Variants in PRKCE observed in about 807,000 individuals in gnomAD.
PRKCE encodes protein kinase C epsilon.
In PRKCE, 16 loss-of-function variants were observed where a neutral mutation model predicts 85.4. The observed-to-expected ratio is 0.19, with a 90% CI of 0.13 to 0.28. The LOEUF (loss-of-function observed/expected upper bound fraction) is 0.28. PRKCE is among the 10% of genes least tolerant of loss of function. PRKCE has a pLI of 1.00. For missense variants in PRKCE, 573 were observed against 975.2 expected, an observed-to-expected ratio of 0.59 and a Z score of 5.49; for synonymous variants, 388 against 371.5, an observed-to-expected ratio of 1.04 and a Z score of -0.51.
chr2:45,726,629 T>C (rs78203360), intron 1 of PRKCE, among the ~76,000 whole-genome samples: 4,604 of 152,350 alleles, frequency 0.03, 113 homozygotes, highest in Middle Eastern at 0.085. Flanking sequence ...AAAATATTTT[T>C]ATGACTTGCT....
rs370580938 is a variant in PRKCE, at chr2:45,652,364, C to T, written c.264C>T (p.Pro88=). The change falls in exon 1 of 15, where the codon CCC becomes CCT. Residue 88 remains proline (P), a synonymous_variant. Transcript: ENST00000306156. This position sits in a 1 kb window ranked among gnomAD's most constrained non-coding sequence, Gnocchi z 7.7. ...AGCTGGCTGTCTTTCACGATGCCCC[C>T]ATAGGCTACGACGACTTCGTGGCCA... is the stretch of plus-strand genomic sequence containing the variant. The part of the protein sequence containing the change: ...KIELAVFHDA[P]IGYDDFVANC... 3.7e-6 allele frequency: 6 copies of T among 1,613,610 alleles called. No individual in the cohort carries two copies. In the African/African-American group the frequency reaches 6.7e-5, roughly 18 times the overall value.
chr2:45,789,410 C>T (rs766654550), intron 1 of PRKCE, among the ~76,000 whole-genome samples: 3 of 152,262 alleles, frequency 2.0e-5, no homozygotes, highest in Non-Finnish European at 4.4e-5. Flanking sequence ...TGACAAAAGC[C>T]TAGGACCATA....
At position 46,061,833 on chromosome 2, in the gene PRKCE, C is replaced by CTTTTCTTTTCTTTTCTTTTCT. The variant is rs1553335448; in HGVS notation, c.1438-24365_1438-24345dup. On this transcript the variant is annotated intron_variant, in intron 10 of 14. Transcript: ENST00000306156. ...CATGCATACGTTAAGTATTTCTTTT[C>CTTTTCTTTTCTTTTCTTTTCT]TTTTCTTTTCTTTTCTTTTCTTTTT... Among the ~76,000 whole-genome samples, 1,081 of 133,248 alleles carry CTTTTCTTTTCTTTTCTTTTCT rather than the reference C, an allele frequency of 8.1e-3. 96 individuals carry two copies. The highest frequency in any genetic ancestry group is 0.076 in the Admixed American group (969 of 12,820). 87.4% of individuals were successfully genotyped at this position (133,248 alleles called of 152,430 possible). A position where few individuals can be genotyped will look rare whatever the true frequency, so the allele number is the denominator to read the frequency against.
intron 6 of PRKCE, among the ~76,000 whole-genome samples, chr2:45,985,352 A>T (rs904166516): frequency 2.0e-5 from 3 of 152,200 alleles, no homozygotes; most frequent in African/African-American, 7.2e-5. Context: ...GGGGAGTAGC[A>T]TATAACACAG....
chr2:45,687,272 A>C (rs1204289594), intron 1 of PRKCE, among the ~76,000 whole-genome samples: 6 of 152,354 alleles, frequency 3.9e-5, no homozygotes, highest in African/African-American at 1.4e-4. Context: ...TAGTAAGAAA[A>C]GATCAATAAC....
intron 1 of PRKCE, among the ~76,000 whole-genome samples, chr2:45,837,865 G>A (rs1691018489): frequency 6.6e-6 from 1 of 152,140 alleles, no homozygotes; most frequent in South Asian, 2.1e-4. Context: ...GCGAGACTCT[G>A]TCTCAAAAAT....
intron 10 of PRKCE, among the ~76,000 whole-genome samples, chr2:46,032,100 T>C (rs1259869366): frequency 6.6e-6 from 1 of 152,224 alleles, no homozygotes; most frequent in African/African-American, 2.4e-5. Context: ...AGAATTTAGT[T>C]AAAACATGTA....
At chr2:46,180,815 C>A (rs1160420825) in intron 14 of PRKCE, among the ~76,000 whole-genome samples, 2 of 152,334 alleles carry the variant, frequency 1.3e-5, no homozygotes, top group East Asian at 3.9e-4. Context: ...AAGAGGTTAA[C>A]TTCACAGCGT....
intron 14 of PRKCE, among the ~76,000 whole-genome samples, chr2:46,179,406 GAGCTCTGAGGC>G (rs1196257902): frequency 1.3e-5 from 2 of 152,052 alleles, no homozygotes; most frequent in Non-Finnish European, 2.9e-5. Flanking sequence ...AGAGCTGCCT[GAGCTCTGAGGC>G]AGGCCCAGTC....
chr2:46,026,085 T>A (rs1022218949), intron 10 of PRKCE, among the ~76,000 whole-genome samples: 2 of 152,234 alleles, frequency 1.3e-5, no homozygotes, highest in African/African-American at 4.8e-5. Context: ...CTCTTTGAGC[T>A]AATTGTTAAT....
intron 2 of PRKCE, 87 bp from the exon 3 acceptor site, chr2:45,976,342 G>C (rs758697847): frequency 5.5e-6 from 8 of 1,465,872 alleles, no homozygotes; most frequent in South Asian, 1.3e-5. Flanking sequence ...CACTCCCCCA[G>C]GGATGGAGTA....
chr2:46,162,330 C>A (rs1222228563), intron 14 of PRKCE, among the ~76,000 whole-genome samples: 1 of 152,164 alleles, frequency 6.6e-6, no homozygotes, highest in Non-Finnish European at 1.5e-5. Context: ...CCTGGAGGGT[C>A]AAGGAAGCTT....
At position 46,008,729 on chromosome 2, in the gene PRKCE, G is replaced by A. The variant is rs574960910; in HGVS notation, c.1263+1068G>A. 7.9e-5 allele frequency among the ~76,000 whole-genome samples: 12 copies of A among 152,298 alleles called. No individual in the cohort carries two copies. In the South Asian group the frequency reaches 2.5e-3, roughly 32 times the overall value. ...AAAGCTGAAGCAATTACATTCTTTA[G>A]AGACTGACTAAATAAAAAGAGGTCC... On this transcript the variant is annotated intron_variant, in intron 9 of 14. Transcript: ENST00000306156.
intron 6 of PRKCE, among the ~76,000 whole-genome samples, chr2:45,985,093 A>G (rs1368212937): frequency 6.6e-6 from 1 of 152,192 alleles, no homozygotes; most frequent in South Asian, 2.1e-4. Flanking sequence ...TTACTCTTTG[A>G]AAGAGCCATG....
chr2:46,084,238 G>A (rs1469991569), intron 10 of PRKCE, among the ~76,000 whole-genome samples: 1 of 152,222 alleles, frequency 6.6e-6, no homozygotes, highest in Non-Finnish European at 1.5e-5. Context: ...TAATTCTGGA[G>A]ACTGGAGTGG....
chr2:45,981,320 C>T (rs1351320602), intron 5 of PRKCE, among the ~76,000 whole-genome samples: 1 of 152,142 alleles, frequency 6.6e-6, no homozygotes, highest in Admixed American at 6.5e-5. Flanking sequence ...CTATTAGAAT[C>T]GCGGGTTAGA....
chr2:46,149,584 A>G (rs1168993411), intron 12 of PRKCE, among the ~76,000 whole-genome samples: 1 of 151,756 alleles, frequency 6.6e-6, no homozygotes, highest in Non-Finnish European at 1.5e-5. Flanking sequence ...TCTGCTACAT[A>G]TTTATTTTAT....
At chr2:46,181,899 T>C (rs1327220303) in intron 14 of PRKCE, among the ~76,000 whole-genome samples, 1 of 152,098 alleles carries the variant, frequency 6.6e-6, no homozygotes, top group Non-Finnish European at 1.5e-5. Flanking sequence ...GAGTGCCAAG[T>C]TAGGAGAGAT....
intron 1 of PRKCE, among the ~76,000 whole-genome samples, chr2:45,659,148 T>C (rs1282969418): frequency 2.0e-5 from 3 of 152,186 alleles, no homozygotes; most frequent in Non-Finnish European, 4.4e-5. Context: ...TCAGCTTTCA[T>C]TGTGTAAAGG....
Sources: allele counts gnomAD v4.1 joint callset (sites outside exome capture counted in the v4.1 genomes callset), GRCh38; gene constraint gnomAD v4.1.1; non-coding constraint Gnocchi (gnomAD v3.1); transcripts MANE v1.5; gene names NCBI Gene and HGNC (gene_info 2026-07-23, HGNC 2026-07-21).